Variants in TERF2IP observed in about 807,000 individuals in gnomAD.
The protein encoded by TERF2IP is TERF2 interacting protein, also known as telomeric repeat-binding factor 2-interacting protein 1.
A neutral mutation model predicts 33.3 loss-of-function variants in TERF2IP; 35 were observed. The ratio of observed to expected loss-of-function variants is 1.05; its 90% confidence interval spans 0.80 to 1.39. TERF2IP has a LOEUF of 1.39. TERF2IP is among the 40% of genes most tolerant of loss of function. The pLI, the probability that TERF2IP is intolerant of heterozygous loss-of-function variation, is 0.00. For synonymous variants in TERF2IP, 253 were observed against 223.2 expected, an observed-to-expected ratio of 1.13 and a Z score of -1.19; for missense variants, 583 against 524.8, an observed-to-expected ratio of 1.11 and a Z score of -1.08.
In TERF2IP at chr16:75,648,214, C is replaced by T. The variant is rs764637619; in HGVS notation, c.332C>T (p.Ser111Leu). 6 of 1,546,460 alleles carry T rather than the reference C, an allele frequency of 3.9e-6. No individual in the cohort carries two copies. In the East Asian group the frequency reaches 7.1e-5, roughly 18 times the overall value. ...LGPASAADTG[S>L]EAKPGALAEG... ...CCCGCCTCGGCGGCGGACACCGGCT[C>T]GGAAGCAAAGCCCGGGGCCCTGGCC... The change falls in exon 1 of 3, where the codon TCG becomes TTG. Residue 111 changes from serine (S) to leucine (L), a missense_variant. Physicochemically the swap from Ser to Leu is moderately radical, Grantham distance 145. Transcript: ENST00000300086.
chr16:75,655,465 A>G (rs977146826), intron 2 of TERF2IP, among the ~76,000 whole-genome samples: 8 of 152,244 alleles, frequency 5.3e-5, no homozygotes, highest in African/African-American at 1.9e-4. Context: ...AAACAAGGGA[A>G]ATAATTTAAA....
intron 1 of TERF2IP, among the ~76,000 whole-genome samples, chr16:75,652,524 C>T (rs760401869): frequency 3.9e-5 from 6 of 152,166 alleles, no homozygotes; most frequent in Non-Finnish European, 7.3e-5. Context: ...CTTTTCATCC[C>T]AACTTCCTGG....
At chr16:75,652,113 T>C (rs1433165792) in intron 1 of TERF2IP, among the ~76,000 whole-genome samples, 1 of 152,196 alleles carries the variant, frequency 6.6e-6, no homozygotes, top group Non-Finnish European at 1.5e-5. Flanking sequence ...GTAGATATAC[T>C]CAGAGTACAA....
At position 75,654,343 on chromosome 16, in the gene TERF2IP, A is replaced by G. The variant is rs2082368917; in HGVS notation, c.741A>G (p.Glu247=). The part of the protein sequence containing the change: ...EYVKEEIQEN[E]EAVKKMLVEA... The stretch of plus-strand genomic sequence containing the variant: ...TGAAGGAAGAAATCCAGGAGAATGA[A>G]GAAGCAGTCAAAAAGATGCTTGTGG... Residue 247 remains glutamate, a synonymous_variant, in exon 2 of 3, where the codon GAA becomes GAG. Transcript: ENST00000300086. The G allele has an allele frequency of 6.2e-7, 1 of 1,614,006 alleles. No individual in the cohort carries two copies. Among genetic ancestry groups the G allele is most frequent in the Non-Finnish European group, 8.5e-7 (1 of 1,179,908 alleles).
Position 75,648,287 on chromosome 16 carries a change from C to T in TERF2IP, c.405C>T (p.Ala135=). 2 of 1,552,508 alleles carry T rather than the reference C, an allele frequency of 1.3e-6. No homozygotes were observed. The highest frequency in any genetic ancestry group is 1.4e-5 in the African/African-American group (1 of 73,526). The part of the protein sequence containing the change: ...PEPQRHAGRI[A]FTDADDVAIL... ...CGCAGCGGCACGCCGGGCGGATCGC[C>T]TTCACGGATGCGGACGACGTAGCCA... Residue 135 remains alanine (A), a synonymous_variant, in exon 1 of 3, where the codon GCC becomes GCT. Transcript: ENST00000300086.
rs1258361708 is a variant in TERF2IP, at chr16:75,656,519, T to A, written c.1108T>A (p.Leu370Met). The A allele has an allele frequency of 1.9e-6, 3 of 1,614,008 alleles. No individual in the cohort carries two copies. Among genetic ancestry groups the A allele is most frequent in the African/African-American group, 2.7e-5 (2 of 74,892 alleles). Residue 370 changes from leucine to methionine, a missense_variant, in exon 3 of 3, where the codon TTG (leucine) becomes ATG (methionine). Transcript: ENST00000300086. The stretch of plus-strand genomic sequence containing the variant: ...TTGGTCCCGACAAGATGACATAGAT[T>A]TGCAAAAAGATGATGAGGATACCAG... ...PIWSRQDDID[L>M]QKDDEDTREA...
chr16:75,648,817 G>C, intron 1 of TERF2IP: 1 of 951,970 alleles, frequency 1.1e-6, no homozygotes, highest in Non-Finnish European at 1.4e-6. Context: ...GCCACCCAAA[G>C]TGTTGGGATT....
In TERF2IP at chr16:75,648,165, G is replaced by A; in HGVS notation, c.283G>A (p.Glu95Lys). 11 of 1,565,910 alleles carry A rather than the reference G, an allele frequency of 7.0e-6. No homozygotes were observed. The highest frequency in any genetic ancestry group is 9.5e-6 in the Non-Finnish European group (11 of 1,158,134). ...LDCVERNERL[E>K]LEAYRLGPAS... ...CTGCGTGGAGCGCAACGAGAGGCTG[G>A]AGCTGGAGGCCTATCGGCTGGGCCC... is the stretch of plus-strand genomic sequence containing the variant. Residue 95 changes from glutamate (E) to lysine (K), a missense_variant, in exon 1 of 3, where the codon GAG (glutamate) becomes AAG (lysine). Physicochemically the swap from Glu to Lys is moderately conservative, Grantham distance 56 (BLOSUM62 1). Transcript: ENST00000300086.
Position 75,647,842 on chromosome 16 carries a change from TC to T in TERF2IP, c.-40del. ...CAGTTGAGCTCTGTGTGCCAGGCGC[TC>T]GCGAGGGGGTAGCTCTTCTAGTAGT... On this transcript the variant is annotated 5_prime_UTR_variant, in exon 1 of 3. Transcript: ENST00000300086. The T allele has an allele frequency of 6.3e-7, 1 of 1,596,178 alleles. No homozygotes were observed. Among genetic ancestry groups the T allele is most frequent in the Non-Finnish European group, 8.6e-7 (1 of 1,168,946 alleles).
chr16:75,651,852 A>G (rs2082349851), intron 1 of TERF2IP, among the ~76,000 whole-genome samples: 1 of 152,098 alleles, frequency 6.6e-6, no homozygotes, highest in Non-Finnish European at 1.5e-5. Flanking sequence ...ACAAAATAGA[A>G]CAAAAGCTCC....
At chr16:75,648,754 T>C in intron 1 of TERF2IP, 1 of 1,393,082 alleles carries the variant, frequency 7.2e-7, no homozygotes, top group Non-Finnish European at 9.4e-7. Flanking sequence ...GCGATGGGTC[T>C]CTGTTACCTA....
chr16:75,654,430 C>T, intron 2 of TERF2IP, 33 bp downstream of exon 2: 1 of 1,601,178 alleles, frequency 6.2e-7, no homozygotes, highest in Non-Finnish European at 8.5e-7. Context: ...TTATTTTTTT[C>T]CCTACCTTCA....
Position 75,654,155 on chromosome 16 carries a change from A to C in TERF2IP, c.671-118A>C, listed in dbSNP as rs1597188423. 7.4e-6 allele frequency: 6 copies of C among 807,372 alleles called. No individual in the cohort carries two copies. In the East Asian group the frequency reaches 2.3e-4, roughly 30 times the overall value. 50.0% of individuals were successfully genotyped at this position (807,372 alleles called of 1,614,324 possible). ...ACAGATGTCTTCTGATAGTAAAAAA[A>C]AAAAAAAAAAAAAAAAAAGTGCAGG... On this transcript the variant is annotated intron_variant, in intron 1 of 2. Coordinates refer to ENST00000300086, the MANE Select transcript of TERF2IP (RefSeq NM_018975.4).
intron 2 of TERF2IP, among the ~76,000 whole-genome samples, chr16:75,654,847 G>A (rs1325610462): frequency 2.6e-5 from 4 of 151,944 alleles, no homozygotes; most frequent in Non-Finnish European, 4.4e-5. Context: ...TCCTGCCTCA[G>A]CCTCCCGAGT....
At chr16:75,655,493 GTGAAGGGATGCACAGGAAT>G (rs548693611) in intron 2 of TERF2IP, among the ~76,000 whole-genome samples, 62 of 152,336 alleles carry the variant, frequency 4.1e-4, no homozygotes, top group Admixed American at 1.6e-3. Context: ...TAATTGGTGA[GTGAAGGGATGCACAGGAAT>G]TGAAGGGATG....
intron 1 of TERF2IP, among the ~76,000 whole-genome samples, chr16:75,651,466 C>T (rs908180814): frequency 1.3e-5 from 2 of 152,176 alleles, no homozygotes; most frequent in African/African-American, 2.4e-5. Context: ...AGGTGGCAGA[C>T]CACTTGAGGT....
chr16:75,654,762 T>C (rs996618673), intron 2 of TERF2IP, among the ~76,000 whole-genome samples: 2 of 152,270 alleles, frequency 1.3e-5, no homozygotes. Context: ...AGAGTCTGGC[T>C]CTGTCGCCCA....
intron 1 of TERF2IP, among the ~76,000 whole-genome samples, chr16:75,653,833 G>T (rs965728197): frequency 1.3e-5 from 2 of 152,078 alleles, no homozygotes; most frequent in African/African-American, 4.8e-5. Flanking sequence ...TGATAAGTCA[G>T]CTTCTCTCTC....
At chr16:75,648,687 AT>A (rs2082323183) in intron 1 of TERF2IP, 135 bp downstream of exon 1, 2 of 1,432,430 alleles carry the variant, frequency 1.4e-6, no homozygotes, top group Admixed American at 2.9e-5. Flanking sequence ...ATCCGGGTAA[AT>A]TTGCACCATT....
Sources: gnomAD v4.1 joint callset for allele counts (sites outside exome capture counted in the v4.1 genomes callset) on GRCh38, gnomAD v4.1.1 for gene constraint, MANE v1.5 for transcripts, NCBI Gene and HGNC (gene_info 2026-07-23, HGNC 2026-07-21) for gene names.